Variants in BLOC1S5 observed in about 807,000 individuals in gnomAD.
BLOC1S5 encodes biogenesis of lysosome-related organelles complex 1 subunit 5.
BLOC1S5 carries 27 observed loss-of-function variants against 24.3 expected under a neutral mutation model. The ratio of observed to expected loss-of-function variants is 1.11; its 90% CI spans 0.82 to 1.53. The LOEUF (loss-of-function observed/expected upper bound fraction) is 1.53. Among genes scored for constraint, BLOC1S5 ranks in the 40% most tolerant of loss-of-function variants. The pLI is 0.00. For synonymous variants in BLOC1S5, 84 were observed against 74.5 expected (o/e 1.13, Z -0.66); for missense variants, 239 against 229.4 (o/e 1.04, Z -0.27).
intron 2 of BLOC1S5, among the ~76,000 whole-genome samples, chr6:8,042,463 G>A (rs987904831): frequency 2.0e-5 from 3 of 152,290 alleles, no homozygotes; most frequent in East Asian, 1.9e-4. Flanking sequence ...AGTTTCCTCC[G>A]TTGGTATAAA....
At position 8,062,087 on chromosome 6, in the gene BLOC1S5, G is replaced by T. The variant is rs115106261; in HGVS notation, c.195+447C>A. 9.6e-3 allele frequency among the ~76,000 whole-genome samples: 1,461 copies of T among 152,294 alleles called. 24 individuals are homozygous for T. Among genetic ancestry groups the T allele is most frequent in the African/African-American group, 0.033 (1,375 of 41,556 alleles). Reference sequence around the variant, plus strand: ...TTTATGAGGTAAACATCTAGGTAACGTCTAAAAGATGGGGTCACTGAATGT... The same window carrying T: ...TTTATGAGGTAAACATCTAGGTAACTTCTAAAAGATGGGGTCACTGAATGT... On this transcript the variant is annotated intron_variant, in intron 2 of 4. Coordinates refer to ENST00000397457, the MANE Select transcript of BLOC1S5 (RefSeq NM_201280.3).
intron 3 of BLOC1S5, among the ~76,000 whole-genome samples, chr6:8,029,118 C>A (rs1373877272): frequency 6.6e-6 from 1 of 151,566 alleles, no homozygotes; most frequent in African/African-American, 2.4e-5. Flanking sequence ...TATAAGTAAA[C>A]CTCAAATACA....
At position 8,022,373 on chromosome 6, in the gene BLOC1S5, C is replaced by G. The variant is rs533369041; in HGVS notation, c.384+3994G>C. Among the ~76,000 whole-genome samples the G allele has an allele frequency of 4.6e-5, 7 of 151,572 alleles. No individual in the cohort carries two copies. The East Asian group carries it at 1.4e-3, about 29-fold the overall frequency. ...AGAAAACCTGGTCTACGGGAAAACT[C>G]TGAAAAACCCAACTAAGGTGTAAAA... On this transcript the variant is annotated intron_variant, in intron 4 of 4. Transcript: ENST00000397457.
intron 2 of BLOC1S5, among the ~76,000 whole-genome samples, chr6:8,049,482 A>T (rs1017513765): frequency 2.0e-5 from 3 of 152,158 alleles, no homozygotes; most frequent in Non-Finnish European, 2.9e-5. Context: ...ATTTTTAGGA[A>T]TTGCTCTTTA....
intron 2 of BLOC1S5, among the ~76,000 whole-genome samples, chr6:8,061,903 G>A (rs946430983): frequency 6.6e-6 from 1 of 152,206 alleles, no homozygotes; most frequent in South Asian, 2.1e-4. Flanking sequence ...AGAAAAGCAG[G>A]AGCCAGGTCA....
At chr6:8,027,339 T>C (rs753224114) in intron 3 of BLOC1S5, 1 of 456,726 alleles carries the variant, frequency 2.2e-6, no homozygotes, top group East Asian at 6.9e-5. Context: ...ACTGAGCATG[T>C]GCTTTGTGCC....
At chr6:8,057,770 C>T (rs1764365242) in intron 2 of BLOC1S5, among the ~76,000 whole-genome samples, 1 of 152,234 alleles carries the variant, frequency 6.6e-6, no homozygotes, top group African/African-American at 2.4e-5. Context: ...TCCCACTCAA[C>T]TCTTATAATT....
chr6:8,055,871 T>A (rs981543318), intron 2 of BLOC1S5, among the ~76,000 whole-genome samples: 1 of 152,156 alleles, frequency 6.6e-6, no homozygotes, highest in African/African-American at 2.4e-5. Context: ...ATAGTTTGAA[T>A]GTATCCCCCA....
chr6:8,059,133 T>G (rs1353934656), intron 2 of BLOC1S5, among the ~76,000 whole-genome samples: 1 of 152,226 alleles, frequency 6.6e-6, no homozygotes, highest in East Asian at 1.9e-4. Flanking sequence ...CCACTGATAC[T>G]ATTACATTAA....
In BLOC1S5 at chr6:8,024,496, C is replaced by T. The variant is rs564818986; in HGVS notation, c.384+1871G>A. On this transcript the variant is annotated intron_variant, in intron 4 of 4. Coordinates refer to ENST00000397457, the MANE Select transcript of BLOC1S5 (RefSeq NM_201280.3). ...CACCACTGCCCTCCAGCCTGGGTGA[C>T]GGAGTGAGACTCCATCTCAAAAAAA... Among the ~76,000 whole-genome samples the T allele has an allele frequency of 1.5e-4, 17 of 115,932 alleles. No homozygotes were observed. The East Asian group carries it at 2.1e-3, about 14-fold the overall frequency. 76.1% of individuals were successfully genotyped at this position (115,932 alleles called of 152,430 possible). A position where few individuals can be genotyped will look rare whatever the true frequency, so the allele number is the denominator to read the frequency against.
rs2815151 is a variant in BLOC1S5 at position 8,014,757 on chromosome 6, T to G, written c.*892A>C. 1 of 151,996 alleles carries G rather than the reference T, an allele frequency of 6.6e-6. No individual in the cohort carries two copies. Among genetic ancestry groups the G allele is most frequent in the Non-Finnish European group, 1.5e-5 (1 of 68,002 alleles). The allele number at this position is 151,996 out of a possible 1,614,324, so 9.4% of individuals were successfully genotyped here. On this transcript the variant is annotated 3_prime_UTR_variant, in exon 5 of 5. Transcript: ENST00000397457. The stretch of plus-strand genomic sequence containing the variant: ...TTCATTCAAAGCCAGGAACTTTATA[T>G]GGTTCCAGAGGGACTCTCTGGCAGA...
In BLOC1S5 at chr6:8,019,261, C is replaced by T. The variant is rs531331878; in HGVS notation, c.385-3433G>A. Among the ~76,000 whole-genome samples the T allele has an allele frequency of 9.9e-5, 14 of 141,866 alleles. No individual in the cohort carries two copies. In the East Asian group the frequency reaches 2.7e-3, roughly 27 times the overall value. The allele number at this position is 141,866 out of a possible 152,430, so 93.1% of individuals were successfully genotyped here. A position where few individuals can be genotyped will look rare whatever the true frequency, so the allele number is the denominator to read the frequency against. On this transcript the variant is annotated intron_variant, in intron 4 of 4. Transcript: ENST00000397457. ...CCCACTTGTAATAGTAACTGCTAGG[C>T]ATTCTTACTTTTTTTTTTTTTTTTG... is the stretch of plus-strand genomic sequence containing the variant.
chr6:8,055,816 G>T (rs1272989094), intron 2 of BLOC1S5, among the ~76,000 whole-genome samples: 1 of 152,134 alleles, frequency 6.6e-6, no homozygotes, highest in African/African-American at 2.4e-5. Context: ...AGCCTGTGAA[G>T]TCCCCTCCCA....
At chr6:8,029,117 ACCTCAAATACACACGT>A (rs1561858261) in intron 3 of BLOC1S5, among the ~76,000 whole-genome samples, 1 of 152,184 alleles carries the variant, frequency 6.6e-6, no homozygotes, top group African/African-American at 2.4e-5. Flanking sequence ...CTATAAGTAA[ACCTCAAATACACACGT>A]AAGAAAATAA....
intron 3 of BLOC1S5, among the ~76,000 whole-genome samples, chr6:8,038,629 C>A (rs7771386): frequency 6.6e-6 from 1 of 152,108 alleles, no homozygotes; most frequent in East Asian, 1.9e-4. Context: ...GGACTACAGG[C>A]ACCCGCCACC....
intron 3 of BLOC1S5, among the ~76,000 whole-genome samples, chr6:8,029,651 C>T (rs1027192585): frequency 6.6e-6 from 1 of 152,200 alleles, no homozygotes; most frequent in Non-Finnish European, 1.5e-5. Context: ...CCACACTGCA[C>T]GAGGTTCGTT....
chr6:8,040,052 C>A (rs1244499550), intron 3 of BLOC1S5, among the ~76,000 whole-genome samples: 2 of 152,082 alleles, frequency 1.3e-5, no homozygotes, highest in East Asian at 1.9e-4. Context: ...AGGAGGCAAT[C>A]CAAGAAAAAG....
intron 4 of BLOC1S5, among the ~76,000 whole-genome samples, chr6:8,017,233 G>C (rs772614582): frequency 2.0e-4 from 31 of 152,022 alleles, no homozygotes; most frequent in Non-Finnish European, 2.1e-4. Flanking sequence ...TACAGATTAG[G>C]TTCTATTAAA....
At chr6:8,061,194 AT>A (rs1764499955) in intron 2 of BLOC1S5, among the ~76,000 whole-genome samples, 1 of 152,196 alleles carries the variant, frequency 6.6e-6, no homozygotes, top group Non-Finnish European at 1.5e-5. Flanking sequence ...TCTCTGGATA[AT>A]TTTCTGTGTC....
Sources: gnomAD v4.1 joint callset for allele counts (sites outside exome capture counted in the v4.1 genomes callset) on GRCh38, gnomAD v4.1.1 for gene constraint, MANE v1.5 for transcripts, NCBI Gene and HGNC (gene_info 2026-07-23, HGNC 2026-07-21) for gene names.